The following RCBTB1 variants were observed in gnomAD, a reference collection of about 807,000 sequenced individuals.
RCBTB1 encodes the protein RCC1 and BTB domain-containing protein 1.
In RCBTB1, 46 loss-of-function variants were observed where a neutral mutation model predicts 62.4. The observed-to-expected ratio is 0.74, with a 90% CI of 0.58 to 0.94. The LOEUF (loss-of-function observed/expected upper bound fraction) is 0.94, where lower values mean the gene tolerates loss of function less well. Among genes scored for constraint, RCBTB1 ranks in the 40% least tolerant of loss-of-function variants. The pLI is 0.00. For missense variants in RCBTB1, 565 were observed against 654.9 expected (o/e 0.86, Z 1.50); for synonymous variants, 222 against 245.8 (o/e 0.90, Z 0.91).
In RCBTB1 at chr13:49,541,012, A is replaced by G. The variant is rs1371363103; in HGVS notation, c.1325-6T>C. On this transcript the variant is annotated splice_polypyrimidine_tract_variant and splice_region_variant and intron_variant, in intron 11 of 12. Transcript: ENST00000378302. Reference sequence around the variant, plus strand: ...TGTCGCCAAATCCAGAAGACCTAAAAGTAAAATATGTGAAAGGTTTAATCA... The same window carrying G: ...TGTCGCCAAATCCAGAAGACCTAAAGGTAAAATATGTGAAAGGTTTAATCA... The G allele has an allele frequency of 1.9e-6, 3 of 1,609,072 alleles. No individual in the cohort carries two copies. Among genetic ancestry groups the G allele is most frequent in the Non-Finnish European group, 2.5e-6 (3 of 1,179,370 alleles).
chr13:49,563,670 GGAAA>G (rs1237686641), intron 4 of RCBTB1, among the ~76,000 whole-genome samples: 1 of 152,150 alleles, frequency 6.6e-6, no homozygotes, highest in Non-Finnish European at 1.5e-5. Context: ...AGAAAAAAAA[GGAAA>G]GAAAGAACCA....
At chr13:49,581,552 C>G (rs1267588935) in intron 1 of RCBTB1, among the ~76,000 whole-genome samples, 1 of 152,144 alleles carries the variant, frequency 6.6e-6, no homozygotes, top group African/African-American at 2.4e-5. Context: ...CAAGAAAGGT[C>G]TGGATTGGAG....
In RCBTB1 at chr13:49,563,562, G is replaced by A. The variant is rs556233258; in HGVS notation, c.277+3056C>T. ...CCTCTAATTGTACTTCGGAGGCTGA[G>A]GCATGAGAATTGCTTGAACCCAGGA... On this transcript the variant is annotated intron_variant, in intron 4 of 12. Transcript: ENST00000378302. 3.9e-5 allele frequency among the ~76,000 whole-genome samples: 6 copies of A among 152,206 alleles called. 1 individual carries two copies. In the East Asian group the frequency reaches 1.2e-3, roughly 29 times the overall value.
At position 49,549,047 on chromosome 13, in the gene RCBTB1, T is replaced by G. The variant is rs1209677759; in HGVS notation, c.1045+411A>C. On this transcript the variant is annotated intron_variant, in intron 9 of 12. Coordinates refer to ENST00000378302, the MANE Select transcript of RCBTB1 (RefSeq NM_018191.4). ...CTTGGGAGGCTGAGGCAGGAAAATC[T>G]CTTGAACTCGGGAGGTGGAGGTTGC... 1.3e-4 allele frequency among the ~76,000 whole-genome samples: 14 copies of G among 108,138 alleles called. 3 individuals carry two copies. The South Asian group carries it at 1.8e-3, about 14-fold the overall frequency. 70.9% of individuals were successfully genotyped at this position (108,138 alleles called of 152,430 possible).
At chr13:49,534,455 G>A (rs954050088) in intron 12 of RCBTB1, among the ~76,000 whole-genome samples, 193 bp from the exon 13 acceptor site, 5 of 151,964 alleles carry the variant, frequency 3.3e-5, no homozygotes, top group East Asian at 1.9e-4. Flanking sequence ...TTTATTCAAC[G>A]CAGTAAAAGC....
At chr13:49,557,542 G>A (rs990716482) in intron 5 of RCBTB1, among the ~76,000 whole-genome samples, 1 of 151,826 alleles carries the variant, frequency 6.6e-6, no homozygotes, top group African/African-American at 2.4e-5. Flanking sequence ...TTAAGGATGG[G>A]GTCACTAAAA....
At chr13:49,550,400 G>A in intron 8 of RCBTB1, 1 of 981,060 alleles carries the variant, frequency 1.0e-6, no homozygotes, top group Non-Finnish European at 1.2e-6. Context: ...AGGAAAACAA[G>A]CCAAACTTAC....
At chr13:49,581,095 C>A (rs941276192) in intron 1 of RCBTB1, among the ~76,000 whole-genome samples, 7 of 152,064 alleles carry the variant, frequency 4.6e-5, no homozygotes, top group African/African-American at 1.7e-4. Context: ...CAGGCTTTAT[C>A]CTAAGAGCAC....
Position 49,560,203 on chromosome 13 carries a change from C to T in RCBTB1, c.278-119G>A. ...CTTCATTTCTCTCCCATTGCCCCCT[C>T]CTCTCTATTAAGTAACCATGGACAG... On this transcript the variant is annotated intron_variant, in intron 4 of 12. Transcript: ENST00000378302. The T allele has an allele frequency of 6.5e-6, 7 of 1,081,968 alleles. No individual in the cohort carries two copies. In the South Asian group the frequency reaches 7.7e-5, roughly 12 times the overall value. The allele number at this position is 1,081,968 out of a possible 1,614,324, so 67.0% of individuals were successfully genotyped here. A position where few individuals can be genotyped will look rare whatever the true frequency, so the allele number is the denominator to read the frequency against.
chr13:49,553,685 T>C (rs1181825165), intron 6 of RCBTB1, among the ~76,000 whole-genome samples: 1 of 152,052 alleles, frequency 6.6e-6, no homozygotes, highest in Non-Finnish European at 1.5e-5. Context: ...GCGGCAGACA[T>C]AGACTGGGGC....
At chr13:49,571,472 C>G (rs1280951010) in intron 2 of RCBTB1, among the ~76,000 whole-genome samples, 1 of 152,238 alleles carries the variant, frequency 6.6e-6, no homozygotes, top group Non-Finnish European at 1.5e-5. Context: ...CATTGAGAGG[C>G]AGGCCTAGAG....
Position 49,541,544 on chromosome 13 carries a change from A to G in RCBTB1, c.1324+132T>C, listed in dbSNP as rs947168809. Reference sequence around the variant, plus strand: ...ACTACACAATACTACTTTTAAAGATACTTACTTCAAATCTTTTTTAAGCAC... The same window carrying G: ...ACTACACAATACTACTTTTAAAGATGCTTACTTCAAATCTTTTTTAAGCAC... On this transcript the variant is annotated intron_variant, in intron 11 of 12. Transcript: ENST00000378302. 7.7e-6 allele frequency: 6 copies of G among 782,488 alleles called. No homozygotes were observed. The Admixed American group carries it at 1.8e-4, about 24-fold the overall frequency. The allele number at this position is 782,488 out of a possible 1,614,324, so 48.5% of individuals were successfully genotyped here.
chr13:49,560,036 T>A lies in RCBTB1; in HGVS notation c.326A>T (p.Asn109Ile). The A allele has an allele frequency of 6.2e-7, 1 of 1,614,194 alleles. No homozygotes were observed. ...AGCAATGCCTTGGTTGGTCGTCCCA[T>A]TCCCAAGCTGGCTATATCCATTGTG... ...WGHNGYSQLG[N>I]GTTNQGIAPV... Residue 109 changes from asparagine (N) to isoleucine (I), a missense_variant, in exon 5 of 13, where the codon AAT becomes ATT. Physicochemically the swap from Asn to Ile is moderately radical, Grantham distance 149. Transcript: ENST00000378302.
chr13:49,551,209 C>A, intron 8 of RCBTB1, 117 bp downstream of exon 8: 1 of 1,247,632 alleles, frequency 8.0e-7, no homozygotes, highest in Non-Finnish European at 1.1e-6. Flanking sequence ...CTCTTTTGTC[C>A]AAAATGAGAA....
chr13:49,534,852 A>G (rs1460030559), intron 12 of RCBTB1, among the ~76,000 whole-genome samples: 1 of 151,996 alleles, frequency 6.6e-6, no homozygotes, highest in Non-Finnish European at 1.5e-5. Flanking sequence ...TGGCCAACAT[A>G]GGGAAACCCC....
At chr13:49,565,134 C>G (rs888602075) in intron 4 of RCBTB1, among the ~76,000 whole-genome samples, 1 of 152,222 alleles carries the variant, frequency 6.6e-6, no homozygotes, top group African/African-American at 2.4e-5. Context: ...CCTGCCTCAG[C>G]CTGCCGAGTG....
chr13:49,535,184 G>A (rs914764006), intron 12 of RCBTB1, among the ~76,000 whole-genome samples: 2 of 152,176 alleles, frequency 1.3e-5, no homozygotes, highest in Admixed American at 6.5e-5. Flanking sequence ...ACACAGGTTA[G>A]TTTTCAGTCA....
intron 2 of RCBTB1, among the ~76,000 whole-genome samples, chr13:49,578,763 T>C (rs1963928508): frequency 6.6e-6 from 1 of 152,198 alleles, no homozygotes; most frequent in South Asian, 2.1e-4. Context: ...ATGTGAGCCT[T>C]TCCTCAGTGA....
At chr13:49,570,946 C>T (rs1315972486) in intron 2 of RCBTB1, among the ~76,000 whole-genome samples, 1 of 152,206 alleles carries the variant, frequency 6.6e-6, no homozygotes, top group East Asian at 1.9e-4. Context: ...CCTTGAAGGG[C>T]TGAACTTCCT....
Sources: allele counts gnomAD v4.1 joint callset (sites outside exome capture counted in the v4.1 genomes callset), GRCh38; gene constraint gnomAD v4.1.1; transcripts MANE v1.5; gene names NCBI Gene and HGNC (gene_info 2026-07-23, HGNC 2026-07-21).